PFKFB2: variants seen among roughly 807,000 people sequenced by gnomAD.
The protein encoded by PFKFB2 is 6-phosphofructo-2-kinase/fructose-2,6-biphosphatase 2.
A neutral mutation model predicts 68.0 loss-of-function variants in PFKFB2; 53 were observed. The ratio of observed to expected loss-of-function variants is 0.78; its 90% CI spans 0.63 to 0.98. PFKFB2 has a LOEUF of 0.98. Among genes scored for constraint, PFKFB2 ranks in the 50% least tolerant of loss-of-function variants. The pLI, the probability that PFKFB2 is intolerant of heterozygous loss-of-function variation, is 0.00. For synonymous variants in PFKFB2, 222 were observed against 227.6 expected, an observed-to-expected ratio of 0.98 and a Z score of 0.22; for missense variants, 451 against 642.0, an observed-to-expected ratio of 0.70 and a Z score of 3.22.
At chr1:207,065,958 A>G (rs1482947882) in intron 8 of PFKFB2, among the ~76,000 whole-genome samples, 1 of 152,172 alleles carries the variant, frequency 6.6e-6, no homozygotes, top group Non-Finnish European at 1.5e-5. Context: ...ATGTGTCATC[A>G]GTTTTTAAAG....
At chr1:207,052,789 A>G (rs2629664), upstream of PFKFB2, 10,470 of 155,948 alleles carry the variant, frequency 0.067, 1,201 homozygotes, top group African/African-American at 0.24. Flanking sequence ...GGAGCCGGGT[A>G]TGTATACACC....
rs773393216 is a variant in PFKFB2 at position 207,072,639 on chromosome 1, G to A, written c.*268G>A. ...ACAGATTCTCAGATGGGATGATCTG[G>A]AGGAGGAGGAAAAAGATACACTCCC... On this transcript the variant is annotated 3_prime_UTR_variant, in exon 15 of 15. Coordinates refer to ENST00000367080, the MANE Select transcript of PFKFB2 (RefSeq NM_006212.2). 3.2e-5 allele frequency: 39 copies of A among 1,219,812 alleles called. No homozygotes were observed. The highest frequency in any genetic ancestry group is 3.9e-5 in the Non-Finnish European group (38 of 975,816). 75.6% of individuals were successfully genotyped at this position (1,219,812 alleles called of 1,614,324 possible).
intron 1 of PFKFB2, among the ~76,000 whole-genome samples, chr1:207,041,335 GA>G (rs911077183): frequency 1.3e-5 from 2 of 151,610 alleles, no homozygotes; most frequent in African/African-American, 2.4e-5. Flanking sequence ...CTGCACCCAT[GA>G]ACCCGTCATC....
At chr1:207,050,407 GA>G (rs1240927745), upstream of PFKFB2, among the ~76,000 whole-genome samples, 5 of 152,150 alleles carry the variant, frequency 3.3e-5, no homozygotes, top group African/African-American at 1.2e-4. Flanking sequence ...GACGCCGAGG[GA>G]AAACAAAATG....
In PFKFB2 at chr1:207,074,719, A is replaced by G; in HGVS notation, c.*2348A>G. ...GGGCAGGGATAGGGGAAAGCTAAAC[A>G]GAAGTAGAAGAAAAGGTCCTTGTCC... is the stretch of plus-strand genomic sequence containing the variant. On this transcript the variant is annotated 3_prime_UTR_variant, in exon 15 of 15. Transcript: ENST00000367080. The G allele has an allele frequency of 1.0e-6, 1 of 985,468 alleles. No individual in the cohort carries two copies. The highest frequency in any genetic ancestry group is 1.2e-6 in the Non-Finnish European group (1 of 829,914). The allele number at this position is 985,468 out of a possible 1,614,324, so 61.0% of individuals were successfully genotyped here. A position where few individuals can be genotyped will look rare whatever the true frequency, so the allele number is the denominator to read the frequency against.
chr1:207,071,344 A>G, intron 13 of PFKFB2, 94 bp downstream of exon 13: 3 of 1,180,380 alleles, frequency 2.5e-6, no homozygotes, highest in Middle Eastern at 1.9e-4. Context: ...CATTATCCCT[A>G]TATACCAGGG....
At chr1:207,071,987 T>C (rs1306301895) in intron 14 of PFKFB2, among the ~76,000 whole-genome samples, 3 of 152,164 alleles carry the variant, frequency 2.0e-5, no homozygotes, top group Non-Finnish European at 2.9e-5. Flanking sequence ...TTTCTTTGGG[T>C]CTTTTTCCTG....
chr1:207,036,790 C>A (rs1682386078), intron 1 of PFKFB2, among the ~76,000 whole-genome samples: 3 of 152,292 alleles, frequency 2.0e-5, no homozygotes, highest in South Asian at 2.1e-4. Context: ...ATCCCTGTAA[C>A]CTTCTCTCCT....
Position 207,063,830 on chromosome 1 carries a change from G to T in PFKFB2, c.507+1G>T. On this transcript the variant is annotated splice_donor_variant, in intron 7 of 14. Transcript: ENST00000367080. LOFTEE classifies it high-confidence loss of function. The surrounding 1 kb of genome is among the most constrained non-coding windows in gnomAD (Gnocchi z 4.1). Reference sequence around the variant, plus strand: ...TGATGTCATTGCTGCCAATATTCTGGTTGGTGACACCCCTACATATCATCT... The same window carrying T: ...TGATGTCATTGCTGCCAATATTCTGTTTGGTGACACCCCTACATATCATCT... The T allele has an allele frequency of 6.2e-7, 1 of 1,610,600 alleles. No individual in the cohort carries two copies. Among genetic ancestry groups the T allele is most frequent in the Non-Finnish European group, 8.5e-7 (1 of 1,177,280 alleles).
chr1:207,047,259 G>A (rs957616126), intron 2 of PFKFB2: 1 of 152,506 alleles, frequency 6.6e-6, no homozygotes, highest in Non-Finnish European at 1.5e-5. Context: ...GACCATAACA[G>A]CTTATATTGT....
In PFKFB2 at chr1:207,075,229, G is replaced by A; in HGVS notation, c.*2858G>A. 2.0e-6 allele frequency: 2 copies of A among 985,472 alleles called. No individual in the cohort carries two copies. Among genetic ancestry groups the A allele is most frequent in the East Asian group, 1.1e-4 (1 of 8,820 alleles). 61.0% of individuals were successfully genotyped at this position (985,472 alleles called of 1,614,324 possible). On this transcript the variant is annotated 3_prime_UTR_variant, in exon 15 of 15. Transcript: ENST00000367080. ...GGATGTTCATTCTGGCTCTCAGCCT[G>A]CTGTTATTTCCCCACTCTCACCTGT... is the stretch of plus-strand genomic sequence containing the variant.
Position 207,072,330 on chromosome 1 carries a change from A to G in PFKFB2, c.1477A>G (p.Ser493Gly). The change falls in exon 15 of 15, where the codon AGC (serine) becomes GGC (glycine). Residue 493 changes from serine to glycine, a missense_variant. By Grantham distance (56) the Ser-to-Gly change is moderately conservative. Transcript: ENST00000367080. ...TGGGAGCCGGCCCCTCAAGCCCCTC[A>G]GCCCTCTCCGTGCCCAGGACATGCA... ...SVGSRPLKPL[S>G]PLRAQDMQEG... 1 of 1,614,124 alleles carries G rather than the reference A, an allele frequency of 6.2e-7. No individual in the cohort carries two copies. The highest frequency in any genetic ancestry group is 1.1e-5 in the South Asian group (1 of 91,084).
At chr1:207,059,297 C>T (rs914631703) in intron 2 of PFKFB2, among the ~76,000 whole-genome samples, 17 of 152,224 alleles carry the variant, frequency 1.1e-4, no homozygotes, top group Admixed American at 4.6e-4. Context: ...ATAGGACCTT[C>T]GGGGGAAGTG....
intron 2 of PFKFB2, among the ~76,000 whole-genome samples, chr1:207,055,254 A>G (rs1354173131): frequency 1.3e-5 from 2 of 152,080 alleles, no homozygotes; most frequent in Admixed American, 6.5e-5. Flanking sequence ...TTTCCTTCCT[A>G]CAGGCCTGAG....
downstream of PFKFB2, chr1:207,080,153 T>C (rs572306023): frequency 6.6e-6 from 1 of 152,352 alleles, no homozygotes; most frequent in South Asian, 2.1e-4. Flanking sequence ...TCTCTGTAAA[T>C]GTGGTTTTGA....
chr1:207,049,273 C>T (rs1240163988), upstream of PFKFB2: 8 of 1,613,926 alleles, frequency 5.0e-6, no homozygotes, highest in Admixed American at 1.3e-4. Flanking sequence ...ATAGTGGATG[C>T]CATCATAAAT....
rs544553612 is a variant in PFKFB2 at position 207,063,957 on chromosome 1, A to T, written c.507+128A>T. The T allele has an allele frequency of 5.5e-6, 4 of 728,488 alleles. No homozygotes were observed. The highest frequency in any genetic ancestry group is 3.5e-5 in the African/African-American group (2 of 57,916). 45.1% of individuals were successfully genotyped at this position (728,488 alleles called of 1,614,324 possible). On this transcript the variant is annotated intron_variant, in intron 7 of 14. Transcript: ENST00000367080. The surrounding 1 kb of genome is among the most constrained non-coding windows in gnomAD (Gnocchi z 4.1). ...TTTTCGTAATGAAAGAGAGAAATAG[A>T]CATGTTTAACATCACAAAGAGATCT...
Position 207,070,859 on chromosome 1 carries a change from C to G in PFKFB2, c.1223-329C>G. ...AAGCCTGCATTGTGGATGCTGAGCT[C>G]AGCATCCTGAGCTGCTTGGAAGCTG... On this transcript the variant is annotated intron_variant, in intron 12 of 14. Transcript: ENST00000367080. The surrounding 1 kb of genome is among the most constrained non-coding windows in gnomAD (Gnocchi z 4.2). 1 of 301,910 alleles carries G rather than the reference C, an allele frequency of 3.3e-6. No individual in the cohort carries two copies. Among genetic ancestry groups the G allele is most frequent in the South Asian group, 4.2e-5 (1 of 23,914 alleles). The allele number at this position is 301,910 out of a possible 1,614,324, so 18.7% of individuals were successfully genotyped here.
intron 2 of PFKFB2, among the ~76,000 whole-genome samples, chr1:207,061,165 TTATA>T (rs201702529): frequency 0.027 from 1,220 of 45,130 alleles, 41 homozygotes; most frequent in Non-Finnish European, 0.038. Flanking sequence ...ATATATATCT[TTATA>T]TATATATATA....
Sources: allele counts gnomAD v4.1 joint callset (sites outside exome capture counted in the v4.1 genomes callset), GRCh38; gene constraint gnomAD v4.1.1; non-coding constraint Gnocchi (gnomAD v3.1); transcripts MANE v1.5; gene names NCBI Gene and HGNC (gene_info 2026-07-23, HGNC 2026-07-21).